Variants in CENPF observed in about 807,000 individuals in gnomAD.
CENPF encodes centromere protein F, also known as AH antigen.
CENPF carries 214 observed loss-of-function variants against 307.3 expected under a neutral mutation model. The observed-to-expected ratio is 0.70, with a 90% confidence interval of 0.62 to 0.78. The LOEUF is 0.78. CENPF is among the 30% of genes least tolerant of loss of function. CENPF has a pLI of 0.00. For synonymous variants in CENPF, 1,259 were observed against 1,270.6 expected, an observed-to-expected ratio of 0.99 and a Z score of 0.19; for missense variants, 3,401 against 3,483.9, an observed-to-expected ratio of 0.98 and a Z score of 0.60.
In CENPF at chr1:214,657,036, G is replaced by A. The variant is rs764676242; in HGVS notation, c.8589G>A (p.Lys2863=). ...KTKEADEYLD[K]YCSLLISHEK... Reference sequence around the variant, plus strand: ...AGGAGGCAGATGAATACTTGGATAAGTACTGTTCCTTGCTTATAAGCCATG... The same window carrying A: ...AGGAGGCAGATGAATACTTGGATAAATACTGTTCCTTGCTTATAAGCCATG... Residue 2863 remains lysine, a synonymous_variant, in exon 18 of 20, where the codon AAG becomes AAA. Coordinates refer to ENST00000366955, the MANE Select transcript of CENPF (RefSeq NM_016343.4). 1 of 1,614,096 alleles carries A rather than the reference G, an allele frequency of 6.2e-7. No individual in the cohort carries two copies. The highest frequency in any genetic ancestry group is 8.5e-7 in the Non-Finnish European group (1 of 1,179,990).
In CENPF at chr1:214,656,910, A is replaced by T. The variant is rs186175358; in HGVS notation, c.8486-23A>T. ...CTAGAGAAGCATCAAGTTGCACATG[A>T]TGTGTTGCTTTACTTTGGACAGGTA... is the stretch of plus-strand genomic sequence containing the variant. On this transcript the variant is annotated intron_variant, in intron 17 of 19. Coordinates refer to ENST00000366955, the MANE Select transcript of CENPF (RefSeq NM_016343.4). 4,770 of 1,463,128 alleles carry T rather than the reference A, an allele frequency of 3.3e-3. 12 individuals are homozygous for T. The highest frequency in any genetic ancestry group is 4.1e-3 in the Non-Finnish European group (4,382 of 1,071,472). 90.6% of individuals were successfully genotyped at this position (1,463,128 alleles called of 1,614,324 possible).
chr1:214,639,935 C>T lies in CENPF; in HGVS notation c.1597C>T (p.Gln533Ter), dbSNP rs1174995496. The change falls in exon 12 of 20, where the codon CAG becomes TAG. Residue 533 changes from glutamine (Q) to a stop codon, truncating the protein, a stop_gained. Coordinates refer to ENST00000366955, the MANE Select transcript of CENPF (RefSeq NM_016343.4). LOFTEE classifies it high-confidence loss of function. ...TTTTTAAATAGCGAAGAATACCTCT[C>T]AGGAAACCATGTTAAGAGATCTTCA... ...AEEMKAKNTSQETMLRDLQEK... is the reference protein window; with the variant it reads ...AEEMKAKNTS The T allele has an allele frequency of 7.8e-6, 12 of 1,530,166 alleles. No individual in the cohort carries two copies. Among genetic ancestry groups the T allele is most frequent in the Admixed American group, 2.4e-5 (1 of 40,870 alleles). The allele number at this position is 1,530,166 out of a possible 1,614,324, so 94.8% of individuals were successfully genotyped here.
Position 214,640,604 on chromosome 1 carries a change from T to G in CENPF, c.2266T>G (p.Leu756Val). 1.2e-6 allele frequency: 2 copies of G among 1,614,120 alleles called. No homozygotes were observed. The highest frequency in any genetic ancestry group is 2.2e-5 in the South Asian group (2 of 91,070). The change falls in exon 12 of 20, where the codon TTG (leucine) becomes GTG (valine). Residue 756 changes from leucine to valine, a missense_variant. Physicochemically the swap from Leu to Val is conservative, Grantham distance 32 (BLOSUM62 1). Coordinates refer to ENST00000366955, the MANE Select transcript of CENPF (RefSeq NM_016343.4). ...IMDKDRCYQD[L>V]HAEYESLRDL... Reference sequence around the variant, plus strand: ...GGACAAAGACCGGTGTTACCAAGACTTGCATGCCGAATATGAGAGCCTCAG... The same window carrying G: ...GGACAAAGACCGGTGTTACCAAGACGTGCATGCCGAATATGAGAGCCTCAG...
rs372899774 is a variant in CENPF at position 214,624,249 on chromosome 1, C to T, written c.1068+1968C>T. 5.9e-5 allele frequency among the ~76,000 whole-genome samples: 9 copies of T among 151,994 alleles called. No individual in the cohort carries two copies. In the East Asian group the frequency reaches 1.4e-3, roughly 23 times the overall value. ...TATTGGTTGGCTTTCTTTTTTTCCC[C>T]TGCCATCTTTGTTTGATATTTGTAT... is the stretch of plus-strand genomic sequence containing the variant. On this transcript the variant is annotated intron_variant, in intron 7 of 19. Coordinates refer to ENST00000366955, the MANE Select transcript of CENPF (RefSeq NM_016343.4).
In CENPF at chr1:214,645,442, A is replaced by C. The variant is rs927890334; in HGVS notation, c.5872A>C (p.Ser1958Arg). The change falls in exon 13 of 20, where the codon AGT becomes CGT. Residue 1958 changes from serine (S) to arginine (R), a missense_variant. Coordinates refer to ENST00000366955, the MANE Select transcript of CENPF (RefSeq NM_016343.4). ...CLEEELSVVT[S>R]ERNQLRGELD... ...TGAAGAAGAACTCTCAGTGGTCACA[A>C]GTGAGAGAAACCAGCTTCGTGGAGA... 6.2e-7 allele frequency: 1 copy of C among 1,614,012 alleles called. No individual in the cohort carries two copies. Among genetic ancestry groups the C allele is most frequent in the Non-Finnish European group, 8.5e-7 (1 of 1,179,972 alleles).
chr1:214,652,600 C>A (rs371191008), intron 15 of CENPF, among the ~76,000 whole-genome samples: 1 of 147,428 alleles, frequency 6.8e-6, no homozygotes, highest in Non-Finnish European at 1.5e-5. Context: ...CCTGCCACCA[C>A]GCCCAGCTAA....
In CENPF at chr1:214,648,495, T is replaced by A. The variant is rs750278663; in HGVS notation, c.7831-180T>A. 5.2e-6 allele frequency: 4 copies of A among 763,000 alleles called. No individual in the cohort carries two copies. The South Asian group carries it at 5.5e-5, about 10-fold the overall frequency. The allele number at this position is 763,000 out of a possible 1,614,324, so 47.3% of individuals were successfully genotyped here. On this transcript the variant is annotated intron_variant, in intron 13 of 19. Coordinates refer to ENST00000366955, the MANE Select transcript of CENPF (RefSeq NM_016343.4). The stretch of plus-strand genomic sequence containing the variant: ...TTAAATCTTTTCTGGGAAGAAAAGG[T>A]AAGCTTACTAGTAGGTTTTGAGAAT...
chr1:214,648,760 T>C lies in CENPF; in HGVS notation c.7916T>C (p.Leu2639Pro), dbSNP rs769078623. The change falls in exon 14 of 20, where the codon CTC becomes CCC. Residue 2639 changes from leucine to proline, a missense_variant. Physicochemically the swap from Leu to Pro is moderately conservative, Grantham distance 98. Coordinates refer to ENST00000366955, the MANE Select transcript of CENPF (RefSeq NM_016343.4). ...AAAACAGCAGAGCTGCAAGAAGAAC[T>C]CAGTGGAGAGAAAAATAGGCTAGCT... The part of the protein sequence containing the change: ...AQKTAELQEE[L>P]SGEKNRLAGE... The C allele has an allele frequency of 1.9e-6, 3 of 1,613,866 alleles. No individual in the cohort carries two copies. In the East Asian group the frequency reaches 6.7e-5, roughly 36 times the overall value.
intron 9 of CENPF, among the ~76,000 whole-genome samples, chr1:214,632,231 A>T (rs1054547533): frequency 1.3e-5 from 2 of 152,010 alleles, no homozygotes; most frequent in African/African-American, 4.8e-5. Context: ...TTGTGGTTAA[A>T]TCTTTTTCCT....
Position 214,647,000 on chromosome 1 carries a change from G to A in CENPF, c.7430G>A (p.Cys2477Tyr), listed in dbSNP as rs371168964. ...CAGAATCTTAGTAGTCAAGTAGAGT[G>A]TCTTGAACTTGAGAAGGCTCAGTTG... ...KEQNLSSQVECLELEKAQLLQ... is the reference protein window; with the variant it reads ...KEQNLSSQVEYLELEKAQLLQ... Residue 2477 changes from cysteine (C) to tyrosine (Y), a missense_variant, in exon 13 of 20, where the codon TGT becomes TAT. Cys to Tyr is a radical substitution (Grantham distance 194). Transcript: ENST00000366955. 2 of 1,613,820 alleles carry A rather than the reference G, an allele frequency of 1.2e-6. No homozygotes were observed. Among genetic ancestry groups the A allele is most frequent in the African/African-American group, 2.7e-5 (2 of 74,904 alleles).
rs530854662 is a variant in CENPF, at chr1:214,624,151, T to TA, written c.1068+1876dup. Among the ~76,000 whole-genome samples the TA allele has an allele frequency of 1.6e-4, 25 of 152,150 alleles. 1 individual carries two copies. In the South Asian group the frequency reaches 4.4e-3, roughly 27 times the overall value. ...CCCTAATTTCTTACAGTGTATAATT[T>TA]AAAAAATATATTTCTGAATTTTTTT... On this transcript the variant is annotated intron_variant, in intron 7 of 19. Transcript: ENST00000366955.
intron 10 of CENPF, among the ~76,000 whole-genome samples, chr1:214,637,510 G>T (rs1157860493): frequency 3.3e-5 from 5 of 151,290 alleles, no homozygotes; most frequent in Non-Finnish European, 5.9e-5. Flanking sequence ...TGTTTGCAAA[G>T]GTATATTTGG....
intron 10 of CENPF, among the ~76,000 whole-genome samples, 158 bp downstream of exon 10, chr1:214,632,760 A>T: frequency 6.6e-6 from 1 of 152,240 alleles, no homozygotes; most frequent in East Asian, 1.9e-4. Flanking sequence ...TCTGTATATA[A>T]CCCATGACAG....
chr1:214,642,801 G>A lies in CENPF; in HGVS notation c.4463G>A (p.Ser1488Asn), dbSNP rs1337294529. ...SSCVPDSSSL[S>N]SLGDSSFYRA... ...TGTGTGCCTGACAGCTCTAGTCTTAGCAGTTTGGGAGACTCCTCCTTTTAC... is the reference window on the plus strand; with the variant it reads ...TGTGTGCCTGACAGCTCTAGTCTTAACAGTTTGGGAGACTCCTCCTTTTAC... Residue 1488 changes from serine (S) to asparagine (N), a missense_variant, in exon 12 of 20, where the codon AGC (serine) becomes AAC (asparagine). Physicochemically the swap from Ser to Asn is conservative, Grantham distance 46. Coordinates refer to ENST00000366955, the MANE Select transcript of CENPF (RefSeq NM_016343.4). The A allele has an allele frequency of 5.0e-6, 8 of 1,613,966 alleles. No homozygotes were observed. Among genetic ancestry groups the A allele is most frequent in the Non-Finnish European group, 6.8e-6 (8 of 1,179,972 alleles).
chr1:214,645,963 TGAAAA>T lies in CENPF; in HGVS notation c.6397_6401del (p.Lys2133AlafsTer16). Reference sequence around the variant, plus strand: ...AACTGAGAGTTCGCATTGAGGCCGATGAAAAGAAGCAGCTGCACATCGCAGAGAAA... The same window carrying T: ...AACTGAGAGTTCGCATTGAGGCCGATGAAGCAGCTGCACATCGCAGAGAAA... On this transcript the variant is annotated frameshift_variant, in exon 13 of 20. Coordinates refer to ENST00000366955, the MANE Select transcript of CENPF (RefSeq NM_016343.4). LOFTEE classifies it high-confidence loss of function. 1 of 1,613,980 alleles carries T rather than the reference TGAAAA, an allele frequency of 6.2e-7. No homozygotes were observed. The highest frequency in any genetic ancestry group is 1.1e-5 in the South Asian group (1 of 91,068).
chr1:214,604,610 GT>G (rs1656972662), intron 1 of CENPF, among the ~76,000 whole-genome samples: 1 of 152,050 alleles, frequency 6.6e-6, no homozygotes, highest in Non-Finnish European at 1.5e-5. Context: ...TTTATATTCT[GT>G]TGGCTATAGC....
rs1658669707 is a variant in CENPF at position 214,657,396 on chromosome 1, A to T, written c.8949A>T (p.Glu2983Asp). The change falls in exon 18 of 20, where the codon GAA (glutamate) becomes GAT (aspartate). Residue 2983 changes from glutamate to aspartate, a missense_variant. Coordinates refer to ENST00000366955, the MANE Select transcript of CENPF (RefSeq NM_016343.4). ...AGTTTGAGCCAGAGGGACTTCCAGA[A>T]GTTGTAAAGAAAGGTATGCCTAATT... The part of the protein sequence containing the change: ...GTEFEPEGLP[E>D]VVKKGFADIP... 2 of 1,604,982 alleles carry T rather than the reference A, an allele frequency of 1.2e-6. No homozygotes were observed. The highest frequency in any genetic ancestry group is 1.7e-6 in the Non-Finnish European group (2 of 1,177,178).
Position 214,646,019 on chromosome 1 carries a change from A to C in CENPF, c.6449A>C (p.Asp2150Ala). 1 of 1,614,110 alleles carries C rather than the reference A, an allele frequency of 6.2e-7. No individual in the cohort carries two copies. The highest frequency in any genetic ancestry group is 1.3e-5 in the African/African-American group (1 of 75,040). Residue 2150 changes from aspartate to alanine, a missense_variant, in exon 13 of 20, where the codon GAT becomes GCT. Transcript: ENST00000366955. ...EKLKEREREN[D>A]SLKDKVENLE... ...CTGAAAGAACGCGAGCGGGAGAATG[A>C]TTCACTTAAGGATAAAGTTGAGAAC... is the stretch of plus-strand genomic sequence containing the variant.
intron 9 of CENPF, 69 bp downstream of exon 9, chr1:214,630,731 C>T: frequency 6.5e-7 from 1 of 1,546,264 alleles, no homozygotes; most frequent in South Asian, 1.2e-5. Flanking sequence ...TACTTCTCTA[C>T]CATAACTGAC....
Sources: allele counts gnomAD v4.1 joint callset (sites outside exome capture counted in the v4.1 genomes callset), GRCh38; gene constraint gnomAD v4.1.1; transcripts MANE v1.5; gene names NCBI Gene and HGNC (gene_info 2026-07-23, HGNC 2026-07-21).